CEP63: variants seen among roughly 807,000 people sequenced by gnomAD.
The protein encoded by CEP63 is centrosomal protein 63.
In CEP63, 84 loss-of-function variants were observed where a neutral mutation model predicts 89.1. The observed-to-expected ratio is 0.94, with a 90% confidence interval of 0.79 to 1.13. The LOEUF is 1.13. Among genes scored for constraint, CEP63 ranks in the 50% most tolerant of loss-of-function variants. CEP63 has a pLI of 0.00. For synonymous variants in CEP63, 267 were observed against 272.5 expected, an observed-to-expected ratio of 0.98 and a Z score of 0.20; for missense variants, 838 against 813.3, an observed-to-expected ratio of 1.03 and a Z score of -0.37.
chr3:134,644,126 A>G, the CEP63 span, among the ~76,000 whole-genome samples: 197 of 152,308 alleles, frequency 1.3e-3, no homozygotes, highest in African/African-American at 4.6e-3. Context: ...CGCCCGGCCG[A>G]GCCTCCTGCT....
chr3:134,698,583 G>T, the CEP63 span, among the ~76,000 whole-genome samples: 1 of 152,236 alleles, frequency 6.6e-6, no homozygotes, highest in Non-Finnish European at 1.5e-5. Context: ...GTCAGGCAGA[G>T]ATTATTGAGA....
chr3:134,611,989 G>A, the CEP63 span, among the ~76,000 whole-genome samples: 1 of 152,228 alleles, frequency 6.6e-6, no homozygotes, highest in Non-Finnish European at 1.5e-5. Context: ...TGTCCTGAGG[G>A]TTAACAGATT....
At chr3:134,587,064 A>G (rs776220677) in intron 10 of CEP63, among the ~76,000 whole-genome samples, 1 of 152,074 alleles carries the variant, frequency 6.6e-6, no homozygotes, top group Non-Finnish European at 1.5e-5. Flanking sequence ...TGTCTTCTCT[A>G]TGCTGTTTAT....
chr3:134,571,538 G>A (rs1958009862), intron 11 of CEP63, among the ~76,000 whole-genome samples: 1 of 152,132 alleles, frequency 6.6e-6, no homozygotes, highest in Admixed American at 6.5e-5. Flanking sequence ...AAAATTAGCT[G>A]GGCATGGTGG....
intron 12 of CEP63, among the ~76,000 whole-genome samples, chr3:134,554,609 T>C (rs1201990489): frequency 6.6e-6 from 1 of 150,660 alleles, no homozygotes. Context: ...AGTAATGGGA[T>C]GGCTGGGTCA....
intron 6 of CEP63, among the ~76,000 whole-genome samples, chr3:134,541,039 C>T (rs1340643721): frequency 1.3e-5 from 2 of 152,072 alleles, no homozygotes; most frequent in Non-Finnish European, 2.9e-5. Flanking sequence ...ACCTTGGCCT[C>T]CCAAAGTGCT....
the CEP63 span, among the ~76,000 whole-genome samples, chr3:134,694,072 C>T: frequency 9.9e-5 from 15 of 152,224 alleles, no homozygotes; most frequent in African/African-American, 3.6e-4. Flanking sequence ...GTCCTCTGGC[C>T]CCATTTCAGA....
At chr3:134,531,706 A>T (rs991221086) in intron 3 of CEP63, 139 bp from the exon 4 acceptor site, 32 of 647,354 alleles carry the variant, frequency 4.9e-5, no homozygotes, top group Non-Finnish European at 5.5e-6. Flanking sequence ...TGACTTCCTA[A>T]GAAGTGGGGT....
the CEP63 span, among the ~76,000 whole-genome samples, chr3:134,695,533 G>A: frequency 6.6e-6 from 1 of 152,226 alleles, no homozygotes; most frequent in Non-Finnish European, 1.5e-5. Context: ...TGAGCAGACG[G>A]AGATGGATCC....
At chr3:134,609,778 A>G in the CEP63 span, among the ~76,000 whole-genome samples, 1 of 152,248 alleles carries the variant, frequency 6.6e-6, no homozygotes, top group South Asian at 2.1e-4. Flanking sequence ...CTGAGAGGAG[A>G]AGGAGCCTGG....
At chr3:134,551,673 C>G (rs1954850800) in intron 11 of CEP63, among the ~76,000 whole-genome samples, 1 of 150,404 alleles carries the variant, frequency 6.6e-6, no homozygotes, top group Non-Finnish European at 1.5e-5. Context: ...ATCTTCATCC[C>G]ATTCATGTTC....
At chr3:134,537,564 C>T (rs900708970) in intron 6 of CEP63, among the ~76,000 whole-genome samples, 8 of 152,174 alleles carry the variant, frequency 5.3e-5, no homozygotes, top group Admixed American at 3.3e-4. Flanking sequence ...GTCTTGCTTA[C>T]TCAGGCTCAC....
Position 134,546,126 on chromosome 3 carries a change from AATC to A in CEP63, c.790-20_790-18del, listed in dbSNP as rs780581351. On this transcript the variant is annotated intron_variant, in intron 7 of 14. Coordinates refer to ENST00000675561, the MANE Select transcript of CEP63 (RefSeq NM_001353108.3). Reference sequence around the variant, plus strand: ...AGGAATTAAAAAGAAGGAAAATTATAATCATATTTGACTTTTTTGCAGGCTCTG... The same window carrying A: ...AGGAATTAAAAAGAAGGAAAATTATAATATTTGACTTTTTTGCAGGCTCTG... The A allele has an allele frequency of 2.5e-6, 4 of 1,612,458 alleles. No homozygotes were observed. The East Asian group carries it at 8.9e-5, about 36-fold the overall frequency.
chr3:134,706,706 A>G, the CEP63 span, among the ~76,000 whole-genome samples: 2 of 152,208 alleles, frequency 1.3e-5, no homozygotes, highest in Non-Finnish European at 2.9e-5. Context: ...ATTTTCTCAC[A>G]GTTCTGTAGG....
the CEP63 span, among the ~76,000 whole-genome samples, chr3:134,710,941 C>T: frequency 6.6e-6 from 1 of 151,882 alleles, no homozygotes; most frequent in Admixed American, 6.6e-5. Context: ...AGGATAGTCT[C>T]GATCTCCTGA....
At chr3:134,523,801 A>G (rs937347158) in intron 3 of CEP63, among the ~76,000 whole-genome samples, 6 of 152,036 alleles carry the variant, frequency 3.9e-5, no homozygotes, top group African/African-American at 9.7e-5. Context: ...GCCCTGTAGT[A>G]TAGTTTGAAG....
At chr3:134,613,460 C>G in the CEP63 span, among the ~76,000 whole-genome samples, 1 of 152,140 alleles carries the variant, frequency 6.6e-6, no homozygotes, top group South Asian at 2.1e-4. Flanking sequence ...CTGTACTGCT[C>G]TGAGTGGGGG....
At chr3:134,652,561 C>T in the CEP63 span, among the ~76,000 whole-genome samples, 1 of 150,910 alleles carries the variant, frequency 6.6e-6, no homozygotes, top group Admixed American at 6.6e-5. Context: ...CATAGACAGG[C>T]AAGTGGAGAT....
chr3:134,670,163 A>G, the CEP63 span, among the ~76,000 whole-genome samples: 6 of 152,304 alleles, frequency 3.9e-5, no homozygotes, highest in African/African-American at 1.4e-4. Flanking sequence ...ATCAATAATA[A>G]TTTACTATAG....
Sources: gnomAD v4.1 joint callset for allele counts (sites outside exome capture counted in the v4.1 genomes callset) on GRCh38, gnomAD v4.1.1 for gene constraint, MANE v1.5 for transcripts, NCBI Gene and HGNC (gene_info 2026-07-23, HGNC 2026-07-21) for gene names.